CLCN3: variants seen among roughly 807,000 people sequenced by gnomAD.
CLCN3 encodes the protein H(+)/Cl(-) exchange transporter 3.
CLCN3 carries 16 observed loss-of-function variants against 83.4 expected under a neutral mutation model. The observed-to-expected ratio is 0.19, with a 90% CI of 0.13 to 0.29. CLCN3 has a LOEUF of 0.29. CLCN3 is among the 10% of genes least tolerant of loss of function. The probability of loss-of-function intolerance (pLI) is 1.00; values close to 1 mark genes in which losing one functional copy is unlikely to be tolerated. For synonymous variants in CLCN3, 322 were observed against 346.2 expected, an observed-to-expected ratio of 0.93 and a Z score of 0.78; for missense variants, 544 against 1,006.0, an observed-to-expected ratio of 0.54 and a Z score of 6.21.
chr4:169,695,114 C>G (rs1581259772), intron 7 of CLCN3, among the ~76,000 whole-genome samples: 1 of 152,100 alleles, frequency 6.6e-6, no homozygotes. Flanking sequence ...AGTATTTTAG[C>G]AGTATTTCAG....
At chr4:169,633,004 T>A (rs1158212068) in intron 1 of CLCN3, among the ~76,000 whole-genome samples, 1 of 151,968 alleles carries the variant, frequency 6.6e-6, no homozygotes, top group Non-Finnish European at 1.5e-5. Flanking sequence ...TCATAGTTTA[T>A]CTCTGATTAT....
intron 6 of CLCN3, 132 bp from the exon 7 acceptor site, chr4:169,691,982 A>G (rs1376422448): frequency 1.5e-5 from 9 of 586,246 alleles, no homozygotes; most frequent in African/African-American, 7.5e-5. Context: ...CGAAAAATTA[A>G]CTGTAAATTT....
In CLCN3 at chr4:169,680,034, C is replaced by A. The variant is rs766485898; in HGVS notation, c.161-16C>A. Reference sequence around the variant, plus strand: ...CTCTTCTAAAACATACTCATCTTTCCTTTTCTCTTCTGTAGGAACTCATTA... The same window carrying A: ...CTCTTCTAAAACATACTCATCTTTCATTTTCTCTTCTGTAGGAACTCATTA... On this transcript the variant is annotated splice_polypyrimidine_tract_variant and intron_variant, in intron 2 of 12. Coordinates refer to ENST00000513761, the MANE Select transcript of CLCN3 (RefSeq NM_001829.4). 3 of 1,602,298 alleles carry A rather than the reference C, an allele frequency of 1.9e-6. No homozygotes were observed. The Admixed American group carries it at 5.0e-5, about 27-fold the overall frequency.
At chr4:169,661,817 C>T (rs1196659900) in intron 2 of CLCN3, among the ~76,000 whole-genome samples, 1 of 152,008 alleles carries the variant, frequency 6.6e-6, no homozygotes, top group East Asian at 1.9e-4. Context: ...ATGTTACGAT[C>T]ATAAATTCTT....
At chr4:169,670,226 G>A (rs530301199) in intron 2 of CLCN3, among the ~76,000 whole-genome samples, 2 of 152,262 alleles carry the variant, frequency 1.3e-5, no homozygotes, top group African/African-American at 4.8e-5. Flanking sequence ...GTATTGCCTA[G>A]GTTTTCATGG....
intron 11 of CLCN3, among the ~76,000 whole-genome samples, chr4:169,707,693 C>T (rs1391563076): frequency 1.3e-5 from 2 of 152,116 alleles, no homozygotes; most frequent in African/African-American, 4.8e-5. Flanking sequence ...ATTAGAATAA[C>T]ACTGTTTTGC....
chr4:169,635,226 T>G (rs1002959978), intron 1 of CLCN3, among the ~76,000 whole-genome samples: 9 of 152,190 alleles, frequency 5.9e-5, no homozygotes, highest in African/African-American at 2.2e-4. Context: ...CTTAAAAGTC[T>G]ATTACTAATG....
intron 7 of CLCN3, 47 bp from the exon 8 acceptor site, chr4:169,695,565 G>A (rs1325076705): frequency 7.4e-7 from 1 of 1,354,348 alleles, no homozygotes; most frequent in South Asian, 1.2e-5. Context: ...TATTTGGTAT[G>A]TTTGAATTTC....
In CLCN3 at chr4:169,714,339, T is replaced by C. The variant is rs551285018; in HGVS notation, c.2366+1044T>C. 3.6e-4 allele frequency among the ~76,000 whole-genome samples: 54 copies of C among 152,042 alleles called. 1 individual carries two copies. The South Asian group carries it at 0.011, about 32-fold the overall frequency. On this transcript the variant is annotated intron_variant, in intron 12 of 12. Coordinates refer to ENST00000513761, the MANE Select transcript of CLCN3 (RefSeq NM_001829.4). ...ACACATTGGTGACAGAATACATGAC[T>C]CCTGTCCAGAGAAAGGAGAGAAAAA...
chr4:169,625,585 G>C (rs529028357), intron 1 of CLCN3, among the ~76,000 whole-genome samples: 1 of 152,124 alleles, frequency 6.6e-6, no homozygotes, highest in African/African-American at 2.4e-5. Flanking sequence ...CTAAAGCCTC[G>C]ACATATAATC....
Position 169,704,156 on chromosome 4 carries a change from T to C in CLCN3, c.1722T>C (p.Tyr574=), listed in dbSNP as rs1655478716. Residue 574 remains tyrosine, a synonymous_variant, in exon 10 of 13, where the codon TAT becomes TAC. Transcript: ENST00000513761. ...VGADCITPGL[Y]AMVGAAACLG... ...CTGATTGCATTACACCTGGCCTTTA[T>C]GCCATGGTTGGTGCTGCTGCATGCT... The C allele has an allele frequency of 6.2e-7, 1 of 1,613,430 alleles. No homozygotes were observed. The highest frequency in any genetic ancestry group is 8.5e-7 in the Non-Finnish European group (1 of 1,179,802).
chr4:169,636,098 G>C lies in CLCN3; in HGVS notation c.160+10G>C. ...GGTGACACTGCAGTTGGTAAGTTCAGCATGACAGCCTAATGTTTGTATTCA... is the reference window on the plus strand; with the variant it reads ...GGTGACACTGCAGTTGGTAAGTTCACCATGACAGCCTAATGTTTGTATTCA... On this transcript the variant is annotated intron_variant, in intron 2 of 12. Coordinates refer to ENST00000513761, the MANE Select transcript of CLCN3 (RefSeq NM_001829.4). 6.2e-7 allele frequency: 1 copy of C among 1,606,650 alleles called. No individual in the cohort carries two copies. Among genetic ancestry groups the C allele is most frequent in the Non-Finnish European group, 8.5e-7 (1 of 1,175,856 alleles).
At chr4:169,713,353 G>A in intron 12 of CLCN3, 58 bp downstream of exon 12, 2 of 1,351,164 alleles carry the variant, frequency 1.5e-6, no homozygotes. Context: ...CCTTTTTAGT[G>A]GAATCTATAT....
At chr4:169,621,704 C>A (rs534097297) in intron 1 of CLCN3, among the ~76,000 whole-genome samples, 40 of 152,316 alleles carry the variant, frequency 2.6e-4, no homozygotes, top group Admixed American at 8.5e-4. Flanking sequence ...ACTTTTGGAG[C>A]TATGCAGTTC....
At chr4:169,678,940 C>T (rs1731792518) in intron 2 of CLCN3, among the ~76,000 whole-genome samples, 2 of 152,376 alleles carry the variant, frequency 1.3e-5, no homozygotes, top group Middle Eastern at 3.4e-3. Context: ...ACCTCCCAGA[C>T]AGGGTGGCGG....
At chr4:169,715,047 T>C (rs1223272022) in intron 12 of CLCN3, among the ~76,000 whole-genome samples, 1 of 152,134 alleles carries the variant, frequency 6.6e-6, no homozygotes, top group Non-Finnish European at 1.5e-5. Flanking sequence ...CAAACTATTA[T>C]TTGCTTCAAG....
intron 12 of CLCN3, among the ~76,000 whole-genome samples, chr4:169,719,656 T>C (rs1733558827): frequency 6.6e-6 from 1 of 152,002 alleles, no homozygotes; most frequent in African/African-American, 2.4e-5. Flanking sequence ...CTCTGCTTCA[T>C]TGAGGCATGC....
rs903364926 is a variant in CLCN3, at chr4:169,636,035, T to C, written c.107T>C (p.Met36Thr). ...EELLDGAGVI[M>T]DFQTSEDDNL... The stretch of plus-strand genomic sequence containing the variant: ...CTTTTAGATGGAGCAGGTGTTATTA[T>C]GGACTTTCAAACATCTGAAGATGAC... Residue 36 changes from methionine to threonine, a missense_variant, in exon 2 of 13, where the codon ATG (methionine) becomes ACG (threonine). Physicochemically the swap from Met to Thr is moderately conservative, Grantham distance 81. Coordinates refer to ENST00000513761, the MANE Select transcript of CLCN3 (RefSeq NM_001829.4). The C allele has an allele frequency of 5.0e-6, 8 of 1,613,476 alleles. No homozygotes were observed. The highest frequency in any genetic ancestry group is 2.2e-5 in the East Asian group (1 of 44,822).
intron 2 of CLCN3, among the ~76,000 whole-genome samples, chr4:169,672,819 G>A (rs760681257): frequency 6.6e-6 from 1 of 151,842 alleles, no homozygotes; most frequent in Non-Finnish European, 1.5e-5. Flanking sequence ...ACCTGCCACC[G>A]CGCCCAGCTA....
Sources: allele counts gnomAD v4.1 joint callset (sites outside exome capture counted in the v4.1 genomes callset), GRCh38; gene constraint gnomAD v4.1.1; transcripts MANE v1.5; gene names NCBI Gene and HGNC (gene_info 2026-07-23, HGNC 2026-07-21).